PAK4: variants seen among roughly 807,000 people sequenced by gnomAD.
The protein encoded by PAK4 is serine/threonine-protein kinase PAK 4.
PAK4 carries 49 observed loss-of-function variants against 53.5 expected under a neutral mutation model. That is an observed-to-expected ratio of 0.92 (90% CI 0.73 to 1.16). The LOEUF (loss-of-function observed/expected upper bound fraction) is 1.16. Ranked by LOEUF, PAK4 falls within the 50% of genes most tolerant of loss-of-function variation. The pLI is 0.00. For synonymous variants in PAK4, 376 were observed against 375.6 expected, an observed-to-expected ratio of 1.00 and a Z score of -0.01; for missense variants, 824 against 850.7, an observed-to-expected ratio of 0.97 and a Z score of 0.39.
intron 1 of PAK4, among the ~76,000 whole-genome samples, chr19:39,132,016 C>G (rs2073721577): frequency 6.6e-6 from 1 of 152,148 alleles, no homozygotes; most frequent in African/African-American, 2.4e-5. Flanking sequence ...TGGTTTCCGT[C>G]CCTTGCACCC....
At chr19:39,157,830 C>T (rs965238785) in intron 1 of PAK4, among the ~76,000 whole-genome samples, 8 of 152,328 alleles carry the variant, frequency 5.3e-5, no homozygotes, top group Non-Finnish European at 1.0e-4. Context: ...AGAAGAATGG[C>T]CCGGGAGCTT....
chr19:39,133,188 C>T (rs2073746080), intron 1 of PAK4, among the ~76,000 whole-genome samples: 1 of 152,214 alleles, frequency 6.6e-6, no homozygotes, highest in African/African-American at 2.4e-5. Context: ...CGGGTGTCCT[C>T]ATCTGTAAAA....
At chr19:39,165,376 A>G (rs930689087) in intron 1 of PAK4, among the ~76,000 whole-genome samples, 8 of 147,524 alleles carry the variant, frequency 5.4e-5, no homozygotes, top group Non-Finnish European at 7.5e-5. Flanking sequence ...TTAGCCGGGC[A>G]TGGTGGTGGG....
downstream of PAK4, chr19:39,180,828 G>A (rs1037264348): frequency 1.3e-5 from 2 of 152,200 alleles, no homozygotes; most frequent in Non-Finnish European, 1.5e-5. Context: ...AGCAGCTCAG[G>A]AGGCCTCTGT....
chr19:39,131,033 C>T (rs62120492), intron 1 of PAK4, among the ~76,000 whole-genome samples: 42,413 of 151,780 alleles, frequency 0.28, 6,266 homozygotes, highest in Non-Finnish European at 0.33. Context: ...ACTTCATCTT[C>T]ACAGCAACCT....
chr19:39,132,327 C>T (rs1048995022), intron 1 of PAK4, among the ~76,000 whole-genome samples: 4 of 152,324 alleles, frequency 2.6e-5, no homozygotes, highest in African/African-American at 7.2e-5. Context: ...CTTTCCCACC[C>T]GCCTGCCAGG....
intron 7 of PAK4, among the ~76,000 whole-genome samples, chr19:39,177,043 A>T (rs371700462): frequency 6.6e-6 from 1 of 151,746 alleles, no homozygotes; most frequent in Non-Finnish European, 1.5e-5. Context: ...TAATTTTTGT[A>T]TTAGTAGAGA....
chr19:39,163,892 G>A lies in PAK4; in HGVS notation c.-22-5640G>A, dbSNP rs73933811. The stretch of plus-strand genomic sequence containing the variant: ...ACGATCATTCCACGGAGTCCCTACT[G>A]TGTGCTGCCCTGGGCTACGAGGGGG... On this transcript the variant is annotated intron_variant, in intron 1 of 8. Coordinates refer to ENST00000358301, the Ensembl canonical transcript of PAK4. Among the ~76,000 whole-genome samples, 1,231 of 152,294 alleles carry A rather than the reference G, an allele frequency of 8.1e-3. 26 individuals carry two copies. The highest frequency in any genetic ancestry group is 0.028 in the African/African-American group (1,159 of 41,566).
chr19:39,173,430 G>C lies in PAK4; in HGVS notation c.663+54G>C, dbSNP rs2074530081. 7.1e-7 allele frequency: 1 copy of C among 1,405,134 alleles called. No homozygotes were observed. Among genetic ancestry groups the C allele is most frequent in the Admixed American group, 2.6e-5 (1 of 37,778 alleles). The allele number at this position is 1,405,134 out of a possible 1,614,324, so 87.0% of individuals were successfully genotyped here. Reference sequence around the variant, plus strand: ...ACTGTCCCCTGCCCGTTGCTCCTCTGTCCCCACCTTCCAGCCCCGCCCCAC... The same window carrying C: ...ACTGTCCCCTGCCCGTTGCTCCTCTCTCCCCACCTTCCAGCCCCGCCCCAC... On this transcript the variant is annotated intron_variant, in intron 3 of 8. Coordinates refer to ENST00000358301, the Ensembl canonical transcript of PAK4. This position sits in a 1 kb window ranked among gnomAD's most constrained non-coding sequence, Gnocchi z 6.9.
At chr19:39,153,686 C>A (rs968044931) in intron 1 of PAK4, among the ~76,000 whole-genome samples, 3 of 152,220 alleles carry the variant, frequency 2.0e-5, no homozygotes, top group Non-Finnish European at 4.4e-5. Context: ...AGGCGATCCA[C>A]TCGCCTTGGC....
At chr19:39,170,835 G>T (rs1280588940) in intron 2 of PAK4, among the ~76,000 whole-genome samples, 1 of 152,274 alleles carries the variant, frequency 6.6e-6, no homozygotes, top group Non-Finnish European at 1.5e-5. Context: ...GAAAGTGACA[G>T]ACTTCACTTC....
chr19:39,170,885 G>T (rs1242941614), intron 2 of PAK4, among the ~76,000 whole-genome samples: 1 of 152,260 alleles, frequency 6.6e-6, no homozygotes. Context: ...CCAGCTGGAG[G>T]CGAGTGGCAG....
chr19:39,178,321 C>T lies in PAK4; in HGVS notation c.1621-103C>T. The T allele has an allele frequency of 1.5e-6, 2 of 1,294,174 alleles. No individual in the cohort carries two copies. The highest frequency in any genetic ancestry group is 2.1e-6 in the Non-Finnish European group (2 of 937,654). The allele number at this position is 1,294,174 out of a possible 1,614,324, so 80.2% of individuals were successfully genotyped here. A position where few individuals can be genotyped will look rare whatever the true frequency, so the allele number is the denominator to read the frequency against. The stretch of plus-strand genomic sequence containing the variant: ...GACCTCCGCCCCCTGCCCTCCTGCA[C>T]AGTACATGCCGCCAGCCGACTTGGC... On this transcript the variant is annotated intron_variant, in intron 8 of 8. Coordinates refer to ENST00000358301, the Ensembl canonical transcript of PAK4. The surrounding 1 kb of genome is among the most constrained non-coding windows in gnomAD (Gnocchi z 4.4).
At chr19:39,164,267 A>G (rs2074332208) in intron 1 of PAK4, among the ~76,000 whole-genome samples, 1 of 148,932 alleles carries the variant, frequency 6.7e-6, no homozygotes, top group African/African-American at 2.5e-5. Context: ...ACAAGAGTGA[A>G]ACTCTGTCTC....
chr19:39,127,128 A>C (rs1317072627), intron 1 of PAK4, among the ~76,000 whole-genome samples: 2 of 151,960 alleles, frequency 1.3e-5, no homozygotes, highest in Non-Finnish European at 2.9e-5. Context: ...CTGGAGTCCG[A>C]GCAAGGGAGT....
intron 1 of PAK4, among the ~76,000 whole-genome samples, chr19:39,164,917 C>G (rs1407432855): frequency 6.6e-6 from 1 of 151,966 alleles, no homozygotes; most frequent in East Asian, 2.0e-4. Flanking sequence ...CCTCAGGCCA[C>G]ATTTGGTGGG....
At position 39,166,620 on chromosome 19, in the gene PAK4, G is replaced by A. The variant is rs186015731; in HGVS notation, c.-22-2912G>A. Among the ~76,000 whole-genome samples, 28 of 152,324 alleles carry A rather than the reference G, an allele frequency of 1.8e-4. No individual in the cohort carries two copies. In the East Asian group the frequency reaches 3.9e-3, roughly 21 times the overall value. On this transcript the variant is annotated intron_variant, in intron 1 of 8. Coordinates refer to ENST00000358301, the Ensembl canonical transcript of PAK4. ...AAAGTGAGGTCATATAGGGCCAGTCGTGGCAGCCCTGCTGGGGTTTGGAGC... is the reference window on the plus strand; with the variant it reads ...AAAGTGAGGTCATATAGGGCCAGTCATGGCAGCCCTGCTGGGGTTTGGAGC...
At chr19:39,163,246 C>A (rs942770959) in intron 1 of PAK4, among the ~76,000 whole-genome samples, 7 of 152,002 alleles carry the variant, frequency 4.6e-5, no homozygotes, top group Admixed American at 6.6e-5. Flanking sequence ...CGGTCTGGGT[C>A]CCCTTCCTGA....
At chr19:39,137,899 C>T (rs2073845532) in intron 1 of PAK4, among the ~76,000 whole-genome samples, 1 of 151,952 alleles carries the variant, frequency 6.6e-6, no homozygotes, top group Non-Finnish European at 1.5e-5. Flanking sequence ...ATCTCCTGAC[C>T]TTGTGATCCG....
Sources: allele counts gnomAD v4.1 joint callset (sites outside exome capture counted in the v4.1 genomes callset), GRCh38; gene constraint gnomAD v4.1.1; non-coding constraint Gnocchi (gnomAD v3.1); transcripts MANE v1.5; gene names NCBI Gene and HGNC (gene_info 2026-07-23, HGNC 2026-07-21).